Variants in FBXO28 observed in about 807,000 individuals in gnomAD.
FBXO28 encodes F-box protein 28.
In FBXO28, 8 loss-of-function variants were observed where a neutral mutation model predicts 38.1. That is an observed-to-expected ratio of 0.21 (90% CI 0.12 to 0.38). The LOEUF is 0.38. Among genes scored for constraint, FBXO28 ranks in the 10% least tolerant of loss-of-function variants. The probability of loss-of-function intolerance (pLI) is 1.00; values close to 1 mark genes in which losing one functional copy is unlikely to be tolerated. For missense variants in FBXO28, 345 were observed against 460.6 expected (o/e 0.75, Z 2.30); for synonymous variants, 168 against 173.8 (o/e 0.97, Z 0.26).
At position 224,137,677 on chromosome 1, in the gene FBXO28, A is replaced by G. The variant is rs577303610; in HGVS notation, c.516+3465A>G. Among the ~76,000 whole-genome samples, 5 of 152,034 alleles carry G rather than the reference A, an allele frequency of 3.3e-5. No homozygotes were observed. The South Asian group carries it at 1.0e-3, about 32-fold the overall frequency. ...ACTGAGAAAGTTAAATCCTACACTG[A>G]CAGTGGGGAAAGCCAAGAGGAACTC... On this transcript the variant is annotated intron_variant, in intron 3 of 4. Transcript: ENST00000366862.
chr1:224,126,179 T>C (rs1375975920), intron 1 of FBXO28, among the ~76,000 whole-genome samples: 1 of 144,310 alleles, frequency 6.9e-6, no homozygotes, highest in African/African-American at 2.6e-5. Flanking sequence ...GCCTATCTGG[T>C]TATTCTTATT....
chr1:224,133,421 A>G (rs986717413), intron 2 of FBXO28, among the ~76,000 whole-genome samples: 2 of 152,200 alleles, frequency 1.3e-5, no homozygotes, highest in African/African-American at 4.8e-5. Context: ...CATCAAAAGC[A>G]TATCATCTCC....
intron 4 of FBXO28, among the ~76,000 whole-genome samples, chr1:224,155,673 A>G (rs1159752341): frequency 6.6e-6 from 1 of 152,226 alleles, no homozygotes; most frequent in African/African-American, 2.4e-5. Context: ...CAGATTAGTT[A>G]GCTCCCTGTA....
rs199693184 is a variant in FBXO28, at chr1:224,114,220, C to A, written c.91C>A (p.Arg31=). 8.8e-5 allele frequency: 136 copies of A among 1,550,348 alleles called. 1 individual carries two copies. The East Asian group carries it at 3.2e-3, about 36-fold the overall frequency. Residue 31 remains arginine (R), a synonymous_variant, in exon 1 of 5, where the codon CGA becomes AGA. Transcript: ENST00000366862. ...CTCTTTGGCCTCCGGCTCTACCCAGCGACAGCCTCCACCGCCCGCGCCACA... is the reference window on the plus strand; with the variant it reads ...CTCTTTGGCCTCCGGCTCTACCCAGAGACAGCCTCCACCGCCCGCGCCACA... ...GSSLASGSTQ[R]QPPPPAPQHP... is the part of the protein sequence containing the mutation.
chr1:224,149,272 A>G (rs1359623080), intron 3 of FBXO28, among the ~76,000 whole-genome samples: 1 of 92,520 alleles, frequency 1.1e-5, no homozygotes, highest in Non-Finnish European at 2.0e-5. Flanking sequence ...AAACCATATA[A>G]TCTTTTTTTT....
Position 224,157,750 on chromosome 1 carries a change from G to T in FBXO28, c.*4G>T. The T allele has an allele frequency of 6.3e-7, 1 of 1,591,206 alleles. No individual in the cohort carries two copies. The highest frequency in any genetic ancestry group is 1.2e-5 in the South Asian group (1 of 86,948). ...ACGTCTTCGGAATAGAAAGTAAATTGGAATGTGGTTCTAGTTCCAGAGGAA... is the reference window on the plus strand; with the variant it reads ...ACGTCTTCGGAATAGAAAGTAAATTTGAATGTGGTTCTAGTTCCAGAGGAA... On this transcript the variant is annotated 3_prime_UTR_variant, in exon 5 of 5. Coordinates refer to ENST00000366862, the MANE Select transcript of FBXO28 (RefSeq NM_015176.4).
chr1:224,130,401 C>A, intron 1 of FBXO28, 71 bp from the exon 2 acceptor site: 1 of 970,420 alleles, frequency 1.0e-6, no homozygotes, highest in Non-Finnish European at 1.7e-6. Context: ...GAGCTTTAAG[C>A]CATCAGTTAT....
intron 3 of FBXO28, among the ~76,000 whole-genome samples, chr1:224,139,076 C>T (rs377475911): frequency 1.3e-5 from 2 of 151,758 alleles, no homozygotes; most frequent in African/African-American, 2.4e-5. Flanking sequence ...AGCCACTGCG[C>T]CCAGCCCAGT....
chr1:224,118,029 A>T (rs976081855), intron 1 of FBXO28, among the ~76,000 whole-genome samples: 5 of 149,720 alleles, frequency 3.3e-5, no homozygotes, highest in African/African-American at 7.5e-5. Flanking sequence ...TTATTTATTT[A>T]TTTTTAATTT....
intron 1 of FBXO28, among the ~76,000 whole-genome samples, chr1:224,117,696 G>C (rs1656674086): frequency 6.6e-6 from 1 of 152,130 alleles, no homozygotes; most frequent in South Asian, 2.1e-4. Context: ...GAAACAAGTG[G>C]CAAAGGTTAA....
chr1:224,151,795 CA>C (rs1657653299), intron 3 of FBXO28, among the ~76,000 whole-genome samples: 1 of 152,132 alleles, frequency 6.6e-6, no homozygotes, highest in South Asian at 2.1e-4. Context: ...GTAATCCCAG[CA>C]CTTTGGGAGG....
intron 3 of FBXO28, among the ~76,000 whole-genome samples, chr1:224,138,755 T>A (rs1423224371): frequency 1.3e-5 from 2 of 151,632 alleles, no homozygotes; most frequent in African/African-American, 4.9e-5. Context: ...TCTTTTTTTT[T>A]ATATTTTTAG....
rs185827027 is a variant in FBXO28, at chr1:224,118,434, T to C, written c.267+4038T>C. Among the ~76,000 whole-genome samples, 8 of 152,346 alleles carry C rather than the reference T, an allele frequency of 5.3e-5. No homozygotes were observed. In the East Asian group the frequency reaches 1.5e-3, roughly 29 times the overall value. ...GATTCAACTGGAGCTCTTATCATTT[T>C]AATTGGAATCATATTAGTGGTTCAG... On this transcript the variant is annotated intron_variant, in intron 1 of 4. Transcript: ENST00000366862.
rs569921708 is a variant in FBXO28, at chr1:224,156,186, T to G, written c.713-1166T>G. On this transcript the variant is annotated intron_variant, in intron 4 of 4. Coordinates refer to ENST00000366862, the MANE Select transcript of FBXO28 (RefSeq NM_015176.4). Reference sequence around the variant, plus strand: ...CCCATCTGGTTCTTTTAGAAAACCTTCAGTAGATAAGTTTAAAAGAAAGTA... The same window carrying G: ...CCCATCTGGTTCTTTTAGAAAACCTGCAGTAGATAAGTTTAAAAGAAAGTA... 1.8e-4 allele frequency among the ~76,000 whole-genome samples: 27 copies of G among 152,348 alleles called. No individual in the cohort carries two copies. In the South Asian group the frequency reaches 4.6e-3, roughly 26 times the overall value.
chr1:224,157,726 C>T lies in FBXO28; in HGVS notation c.1087C>T (p.Arg363Cys), dbSNP rs1323192999. 5 of 1,603,338 alleles carry T rather than the reference C, an allele frequency of 3.1e-6. No individual in the cohort carries two copies. The highest frequency in any genetic ancestry group is 1.8e-5 in the Admixed American group (1 of 57,036). ...CATAGACTCTCTTAGGAAATCTAAA[C>T]GTCTTCGGAATAGAAAGTAAATTGG... ...EAIDSLRKSK[R>C]LRNRK Residue 363 changes from arginine (R) to cysteine (C), a missense_variant, in exon 5 of 5, where the codon CGT (arginine) becomes TGT (cysteine). Coordinates refer to ENST00000366862, the MANE Select transcript of FBXO28 (RefSeq NM_015176.4).
intron 1 of FBXO28, among the ~76,000 whole-genome samples, chr1:224,126,370 T>A (rs1656904070): frequency 6.6e-6 from 1 of 152,264 alleles, no homozygotes; most frequent in Admixed American, 6.5e-5. Flanking sequence ...TTTTTGTCTT[T>A]GTAAATATAT....
rs142268718 is a variant in FBXO28, at chr1:224,155,025, A to G, written c.712+1688A>G. The stretch of plus-strand genomic sequence containing the variant: ...GTTAAACCATTGTAATTTGAGGACC[A>G]TCTGTATTTTTTTATGTTTCTGATG... On this transcript the variant is annotated intron_variant, in intron 4 of 4. Transcript: ENST00000366862. Among the ~76,000 whole-genome samples the G allele has an allele frequency of 2.0e-3, 307 of 151,996 alleles. 1 individual carries two copies. The highest frequency in any genetic ancestry group is 6.7e-3 in the African/African-American group (278 of 41,514).
chr1:224,135,602 ACT>A (rs1334304923), intron 3 of FBXO28, among the ~76,000 whole-genome samples: 1 of 107,700 alleles, frequency 9.3e-6, no homozygotes, highest in Non-Finnish European at 1.8e-5. Context: ...ACAGAGCAAG[ACT>A]CTGTCTCAAA....
intron 1 of FBXO28, among the ~76,000 whole-genome samples, chr1:224,127,968 A>G (rs878907816): frequency 6.6e-6 from 1 of 152,206 alleles, no homozygotes; most frequent in East Asian, 1.9e-4. Context: ...TTGTGCTTTA[A>G]TTTTGAAATT....
Sources: allele counts gnomAD v4.1 joint callset (sites outside exome capture counted in the v4.1 genomes callset), GRCh38; gene constraint gnomAD v4.1.1; transcripts MANE v1.5; gene names NCBI Gene and HGNC (gene_info 2026-07-23, HGNC 2026-07-21).